Variants in KAZN observed in about 807,000 individuals in gnomAD.
KAZN encodes the protein kazrin.
A neutral mutation model predicts 87.4 loss-of-function variants in KAZN; 40 were observed. The ratio of observed to expected loss-of-function variants is 0.46; its 90% confidence interval spans 0.36 to 0.60. The LOEUF (loss-of-function observed/expected upper bound fraction) is 0.60. Ranked by LOEUF, KAZN falls within the 20% of genes least tolerant of loss-of-function variation. The pLI, the probability that KAZN is intolerant of heterozygous loss-of-function variation, is 0.00. For synonymous variants in KAZN, 466 were observed against 458.3 expected (o/e 1.02, Z -0.22); for missense variants, 898 against 1,073.9 (o/e 0.84, Z 2.29).
rs539275081 is a variant in KAZN at position 14,361,421 on chromosome 1, G to C, written c.249+180829G>C. Among the ~76,000 whole-genome samples, 7 of 152,320 alleles carry C rather than the reference G, an allele frequency of 4.6e-5. No individual in the cohort carries two copies. In the South Asian group the frequency reaches 1.5e-3, roughly 32 times the overall value. ...CTTGGGTGGGAACCAAGACCACTTG[G>C]CTCCCTGGCTTCAGCCCCCTCTTCC... On this transcript the variant is annotated intron_variant, in intron 2 of 16. Transcript: ENST00000636203.
chr1:15,084,395 G>A (rs1331162766), intron 8 of KAZN, among the ~76,000 whole-genome samples: 1 of 152,182 alleles, frequency 6.6e-6, no homozygotes, highest in Non-Finnish European at 1.5e-5. Context: ...TATTCGGAAG[G>A]GCCTCCCTCT....
intron 2 of KAZN, among the ~76,000 whole-genome samples, chr1:14,356,970 ATGG>A (rs1275978900): frequency 1.3e-5 from 2 of 152,100 alleles, no homozygotes; most frequent in East Asian, 3.9e-4. Flanking sequence ...AAGAAAGTCA[ATGG>A]TGGCTTGATA....
intron 1 of KAZN, among the ~76,000 whole-genome samples, chr1:13,967,431 C>T (rs529714818): frequency 7.9e-5 from 12 of 152,226 alleles, no homozygotes; most frequent in East Asian, 5.8e-4. Context: ...TACATTGAGG[C>T]GACCCTTTGG....
At position 14,788,808 on chromosome 1, in the gene KAZN, C is replaced by A. The variant is rs114460977; in HGVS notation, c.227-171876C>A. On this transcript the variant is annotated intron_variant, in intron 1 of 14. Transcript: ENST00000376030. ...GTACACGTGGGAGGTCACTTGTACA[C>A]GTAGGAGGTCACCTAAGAAGGGAAG... 3.5e-3 allele frequency among the ~76,000 whole-genome samples: 525 copies of A among 152,112 alleles called. 2 individuals carry two copies. Among genetic ancestry groups the A allele is most frequent in the African/African-American group, 0.012 (499 of 41,470 alleles).
chr1:14,930,264 C>T (rs1659659620), intron 1 of KAZN, among the ~76,000 whole-genome samples: 1 of 152,186 alleles, frequency 6.6e-6, no homozygotes. Flanking sequence ...GAGGCTGGCT[C>T]AGGCTCCCAG....
chr1:14,045,512 C>A (rs1642027646), intron 1 of KAZN, among the ~76,000 whole-genome samples: 1 of 152,188 alleles, frequency 6.6e-6, no homozygotes, highest in African/African-American at 2.4e-5. Flanking sequence ...TCACTTAGAG[C>A]AGTGACTGGT....
intron 2 of KAZN, among the ~76,000 whole-genome samples, chr1:14,245,700 C>T (rs1649435211): frequency 6.6e-6 from 1 of 152,138 alleles, no homozygotes; most frequent in South Asian, 2.1e-4. Context: ...GTACCAAGCA[C>T]ATCCCCACCA....
At chr1:13,979,496 T>G (rs1247060682) in intron 1 of KAZN, among the ~76,000 whole-genome samples, 1 of 152,176 alleles carries the variant, frequency 6.6e-6, no homozygotes, top group Non-Finnish European at 1.5e-5. Context: ...TGGACTGCAC[T>G]AAAAGGAATA....
At chr1:14,944,431 A>G (rs372840122) in intron 1 of KAZN, among the ~76,000 whole-genome samples, 2 of 151,704 alleles carry the variant, frequency 1.3e-5, no homozygotes, top group African/African-American at 4.9e-5. Flanking sequence ...TTGGTTTCAG[A>G]AGCCATGCCT....
At chr1:14,709,094 C>T (rs1207586471) in intron 1 of KAZN, among the ~76,000 whole-genome samples, 1 of 152,118 alleles carries the variant, frequency 6.6e-6, no homozygotes, top group Non-Finnish European at 1.5e-5. Context: ...TGCTAGGTGA[C>T]ACACCTGCGT....
At position 14,633,614 on chromosome 1, in the gene KAZN, C is replaced by T. The variant is rs138645255; in HGVS notation, c.226+34391C>T. ...ATAATAAATGTGTGTTCCTCGAAGC[C>T]GCTAAGTTTGTGGTGATTTGTTGCA... On this transcript the variant is annotated intron_variant, in intron 1 of 14. Coordinates refer to ENST00000376030, the MANE Select transcript of KAZN (RefSeq NM_201628.3). Among the ~76,000 whole-genome samples, 82 of 152,214 alleles carry T rather than the reference C, an allele frequency of 5.4e-4. 1 individual carries two copies. Among genetic ancestry groups the T allele is most frequent in the African/African-American group, 1.8e-3 (74 of 41,542 alleles).
At position 14,110,919 on chromosome 1, in the gene KAZN, T is replaced by C. The variant is rs191113694; in HGVS notation, c.92-69516T>C. Among the ~76,000 whole-genome samples the C allele has an allele frequency of 2.2e-5, 3 of 135,710 alleles. 1 individual carries two copies. In the East Asian group the frequency reaches 8.7e-4, roughly 39 times the overall value. The allele number at this position is 135,710 out of a possible 152,430, so 89.0% of individuals were successfully genotyped here. A position where few individuals can be genotyped will look rare whatever the true frequency, so the allele number is the denominator to read the frequency against. On this transcript the variant is annotated intron_variant, in intron 1 of 16. Coordinates refer to the KAZN transcript ENST00000636203. ...TTAACTTTTGTTTGTGTGTGTTTTTTACTTTTTAATGAGATTACTAGAAAC... is the reference window on the plus strand; with the variant it reads ...TTAACTTTTGTTTGTGTGTGTTTTTCACTTTTTAATGAGATTACTAGAAAC...
At chr1:14,883,964 G>GTCCT (rs1250775189) in intron 1 of KAZN, among the ~76,000 whole-genome samples, 2 of 152,140 alleles carry the variant, frequency 1.3e-5, no homozygotes, top group African/African-American at 4.8e-5. Context: ...CAGGAATGGG[G>GTCCT]TCCTTATATC....
chr1:14,683,687 C>G (rs572415160), intron 1 of KAZN, among the ~76,000 whole-genome samples: 1 of 152,204 alleles, frequency 6.6e-6, no homozygotes. Context: ...TCCCAGCCCC[C>G]CTATCTGGTA....
At chr1:14,245,785 AAAT>A (rs1397776432) in intron 2 of KAZN, among the ~76,000 whole-genome samples, 4 of 152,206 alleles carry the variant, frequency 2.6e-5, no homozygotes, top group African/African-American at 9.6e-5. Context: ...ATAGATTAAA[AAAT>A]ATGGTATTTC....
intron 1 of KAZN, among the ~76,000 whole-genome samples, chr1:14,058,822 A>T (rs191805938): frequency 6.6e-6 from 1 of 152,346 alleles, no homozygotes; most frequent in East Asian, 1.9e-4. Flanking sequence ...TTGCAGGATG[A>T]AAAGGAACCA....
In KAZN at chr1:15,005,615, A is replaced by G. The variant is rs758543049; in HGVS notation, c.419-29134A>G. Among the ~76,000 whole-genome samples, 7 of 151,908 alleles carry G rather than the reference A, an allele frequency of 4.6e-5. No homozygotes were observed. In the East Asian group the frequency reaches 1.2e-3, roughly 25 times the overall value. ...AGCCTGGCCAATGTGGCAAAACCCCATCTCTACTAAAAATATTTTAAAAAT... is the reference window on the plus strand; with the variant it reads ...AGCCTGGCCAATGTGGCAAAACCCCGTCTCTACTAAAAATATTTTAAAAAT... On this transcript the variant is annotated intron_variant, in intron 2 of 14. Coordinates refer to ENST00000376030, the MANE Select transcript of KAZN (RefSeq NM_201628.3).
intron 1 of KAZN, among the ~76,000 whole-genome samples, chr1:14,629,180 C>T (rs1243847600): frequency 2.6e-5 from 4 of 152,134 alleles, no homozygotes; most frequent in Non-Finnish European, 4.4e-5. Context: ...AATTCTCATA[C>T]GGTGGCAGGG....
chr1:14,960,635 G>A, intron 1 of KAZN, 49 bp from the exon 2 acceptor site: 1 of 1,528,812 alleles, frequency 6.5e-7, no homozygotes, highest in Non-Finnish European at 8.8e-7. Flanking sequence ...AAATGCGAGT[G>A]AGCGGCAGAG....
Sources: gnomAD v4.1 joint callset for allele counts (sites outside exome capture counted in the v4.1 genomes callset) on GRCh38, gnomAD v4.1.1 for gene constraint, MANE v1.5 for transcripts, NCBI Gene and HGNC (gene_info 2026-07-23, HGNC 2026-07-21) for gene names.